Variants in F8 observed in about 807,000 individuals in gnomAD.
The protein encoded by F8 is antihemophilic factor.
F8 carries 12 observed loss-of-function variants against 140.6 expected under a neutral mutation model. The ratio of observed to expected loss-of-function variants is 0.09; its 90% CI spans 0.05 to 0.14. The LOEUF is 0.14. Ranked by LOEUF, F8 falls within the 10% of genes least tolerant of loss-of-function variation. The probability of loss-of-function intolerance (pLI) is 1.00; values close to 1 mark genes in which losing one functional copy is unlikely to be tolerated. For missense variants in F8, 1,354 were observed against 1,720.7 expected (o/e 0.79, Z 3.77); for synonymous variants, 585 against 614.6 (o/e 0.95, Z 0.71).
Position 154,902,104 on chromosome X carries a change from A to G in F8, c.6062T>C (p.Ile2021Thr), listed in dbSNP as rs1557275992. 1.7e-6 allele frequency: 2 copies of G among 1,211,617 alleles called. No homozygotes were observed. The highest frequency in any genetic ancestry group is 3.0e-5 in the East Asian group (1 of 33,869). ...CATCCCAGCATGTAGATGCTCGCCA[A>G]TAAGGCATTCCACCCGCCAAATTCC... Reference protein sequence around the residue: ...KAGIWRVECLIGEHLHAGMST... With the variant: ...KAGIWRVECLTGEHLHAGMST... The change falls in exon 19 of 26, where the codon ATT becomes ACT. Residue 2021 changes from isoleucine to threonine, a missense_variant. Physicochemically the swap from Ile to Thr is moderately conservative, Grantham distance 89. This residue lies in a region of F8 where 316 missense variants were observed against 485.4 expected (regional missense o/e 0.65). Coordinates refer to ENST00000360256, the MANE Select transcript of F8 (RefSeq NM_000132.4).
intron 25 of F8, among the ~76,000 whole-genome samples, chrX:154,842,718 T>C (rs1385611904): frequency 8.9e-6 from 1 of 112,429 alleles, no homozygotes; most frequent in East Asian, 2.8e-4. Flanking sequence ...CTACTTTATT[T>C]GTAGCTTATT....
chrX:154,973,794 GTTTGTT>G (rs1220254904), intron 6 of F8, among the ~76,000 whole-genome samples: 2 of 111,243 alleles, frequency 1.8e-5, no homozygotes, highest in African/African-American at 6.6e-5. Context: ...AATTTGTTTT[GTTTGTT>G]TTTGTTTTTG....
intron 13 of F8, among the ~76,000 whole-genome samples, chrX:154,941,739 A>G (rs2073266371): frequency 2.1e-5 from 1 of 47,439 alleles, no homozygotes; most frequent in Non-Finnish European, 7.9e-5. Flanking sequence ...CACCACACCT[A>G]TTCCAAAATT....
intron 23 of F8, among the ~76,000 whole-genome samples, chrX:154,862,548 C>G (rs1341859656): frequency 9.0e-6 from 1 of 110,826 alleles, no homozygotes; most frequent in Non-Finnish European, 1.9e-5. Flanking sequence ...CTAACCCACA[C>G]CCCCCTCCCA....
intron 1 of F8, among the ~76,000 whole-genome samples, chrX:155,009,921 T>C (rs1557286436): frequency 9.0e-6 from 1 of 110,789 alleles, no homozygotes; most frequent in African/African-American, 3.3e-5. Flanking sequence ...AGAAACAAGA[T>C]TGTGAGACAG....
chrX:154,845,187 G>T (rs782607298), intron 25 of F8, among the ~76,000 whole-genome samples: 90 of 111,598 alleles, frequency 8.1e-4, no homozygotes, highest in African/African-American at 2.8e-3. Context: ...TGCTGGATTT[G>T]GTTTGCCAGT....
chrX:154,846,194 A>G (rs1343097196), intron 25 of F8, among the ~76,000 whole-genome samples: 2 of 111,908 alleles, frequency 1.8e-5, no homozygotes, highest in African/African-American at 6.5e-5. Flanking sequence ...ACATTTGCTG[A>G]GGAGTGCTTT....
intron 18 of F8, 26 bp downstream of exon 18, chrX:154,903,880 A>C: frequency 1.7e-6 from 2 of 1,189,827 alleles, no homozygotes; most frequent in Non-Finnish European, 2.3e-6. Context: ...GAGTAGGTAG[A>C]AGAAAGAGCA....
intron 1 of F8, among the ~76,000 whole-genome samples, chrX:155,012,444 G>A (rs1394048812): frequency 9.1e-6 from 1 of 110,486 alleles, no homozygotes; most frequent in Non-Finnish European, 1.9e-5. Context: ...CCAAGTAGCT[G>A]GGACTACAGG....
chrX:154,878,541 T>C (rs2072836654), intron 22 of F8, among the ~76,000 whole-genome samples: 1 of 110,218 alleles, frequency 9.1e-6, no homozygotes, highest in Admixed American at 9.7e-5. Context: ...CACTCAATGG[T>C]AGAAGACTGA....
chrX:154,891,867 C>T (rs782355799), intron 22 of F8, among the ~76,000 whole-genome samples: 4 of 111,958 alleles, frequency 3.6e-5, no homozygotes, highest in South Asian at 7.5e-4. Context: ...GCCTGGCTTT[C>T]GTAGTGTCCA....
chrX:155,014,076 A>G (rs1280343954), intron 1 of F8, among the ~76,000 whole-genome samples: 1 of 111,763 alleles, frequency 8.9e-6, no homozygotes, highest in Admixed American at 9.5e-5. Flanking sequence ...AATATTACCA[A>G]TGTAATATGT....
Position 154,835,864 on chromosome X carries a change from G to C in F8, c.*1733C>G, listed in dbSNP as rs1312332719. Reference sequence around the variant, plus strand: ...AGGAAAATAAAAGAGCTAGTTCCATGAACATTTGAGAAATAGAGATGTATA... The same window carrying C: ...AGGAAAATAAAAGAGCTAGTTCCATCAACATTTGAGAAATAGAGATGTATA... On this transcript the variant is annotated 3_prime_UTR_variant, in exon 26 of 26. Coordinates refer to ENST00000360256, the MANE Select transcript of F8 (RefSeq NM_000132.4). 2 of 112,266 alleles carry C rather than the reference G, an allele frequency of 1.8e-5. No homozygotes were observed. The highest frequency in any genetic ancestry group is 3.8e-5 in the Non-Finnish European group (2 of 53,289). 9.3% of individuals were successfully genotyped at this position (112,266 alleles called of 1,213,427 possible). A position where few individuals can be genotyped will look rare whatever the true frequency, so the allele number is the denominator to read the frequency against.
intron 25 of F8, among the ~76,000 whole-genome samples, chrX:154,847,643 T>A (rs1371116672): frequency 8.9e-6 from 1 of 112,127 alleles, no homozygotes; most frequent in Admixed American, 9.4e-5. Context: ...ATCAGGTCAT[T>A]TAAGGACTTC....
intron 25 of F8, among the ~76,000 whole-genome samples, chrX:154,854,590 T>TG (rs2072637816): frequency 9.0e-5 from 9 of 100,440 alleles, no homozygotes; most frequent in Non-Finnish European, 1.6e-4. Context: ...AGCTAATTCC[T>TG]TGTGTGTGTG....
At chrX:154,987,178 C>G in intron 5 of F8, 59 bp downstream of exon 5, 1 of 924,010 alleles carries the variant, frequency 1.1e-6, no homozygotes, top group Non-Finnish European at 1.6e-6. Context: ...ATCACCTCCT[C>G]TTAATAGTAG....
intron 13 of F8, among the ~76,000 whole-genome samples, chrX:154,937,076 T>C (rs78362479): frequency 0.078 from 8,646 of 111,001 alleles, 277 homozygotes; most frequent in Non-Finnish European, 0.093. Flanking sequence ...TAAAGCAGTA[T>C]ATAAAGGGAA....
At chrX:154,949,119 A>G (rs1557280537) in intron 12 of F8, among the ~76,000 whole-genome samples, 1 of 112,411 alleles carries the variant, frequency 8.9e-6, no homozygotes, top group Admixed American at 9.5e-5. Flanking sequence ...TAACTAACAA[A>G]AGTAAAGTCC....
intron 1 of F8, among the ~76,000 whole-genome samples, chrX:155,000,444 G>A (rs1194331655): frequency 8.9e-5 from 10 of 112,254 alleles, no homozygotes; most frequent in Non-Finnish European, 1.7e-4. Flanking sequence ...GCCATAAAGA[G>A]CCTCTCTTCC....
Sources: gnomAD v4.1 joint callset for allele counts (sites outside exome capture counted in the v4.1 genomes callset) on GRCh38, gnomAD v4.1.1 for gene constraint, gnomAD v4.1.1 regional missense constraint, MANE v1.5 for transcripts, NCBI Gene and HGNC (gene_info 2026-07-23, HGNC 2026-07-21) for gene names.